Variants in SLC45A2 observed in about 807,000 individuals in gnomAD.
The protein encoded by SLC45A2 is membrane-associated transporter protein.
In SLC45A2, 36 loss-of-function variants were observed where a neutral mutation model predicts 45.5. The ratio of observed to expected loss-of-function variants is 0.79; its 90% CI spans 0.61 to 1.04. The LOEUF is 1.04. Ranked by LOEUF, SLC45A2 falls within the 50% of genes least tolerant of loss-of-function variation. The pLI, the probability that SLC45A2 is intolerant of heterozygous loss-of-function variation, is 0.00. For missense variants in SLC45A2, 719 were observed against 671.0 expected (o/e 1.07, Z -0.79); for synonymous variants, 306 against 269.3 (o/e 1.14, Z -1.33).
intron 2 of SLC45A2, 144 bp from the exon 3 acceptor site, chr5:33,964,160 G>T: frequency 1.2e-6 from 1 of 856,732 alleles, no homozygotes; most frequent in African/African-American, 1.7e-5. Context: ...TACAGCAAGA[G>T]GCTGAAAAAC....
chr5:33,975,713 T>C (rs941673209), intron 2 of SLC45A2, among the ~76,000 whole-genome samples: 1 of 152,206 alleles, frequency 6.6e-6, no homozygotes, highest in East Asian at 1.9e-4. Context: ...TTTAGGGAGA[T>C]ACATGACCAA....
chr5:33,962,447 G>T (rs915218524), intron 3 of SLC45A2, among the ~76,000 whole-genome samples: 1 of 152,196 alleles, frequency 6.6e-6, no homozygotes, highest in Non-Finnish European at 1.5e-5. Context: ...GCCAACAAAA[G>T]AAGTTGACCT....
At chr5:33,963,582 C>A (rs1276838451) in intron 3 of SLC45A2, 109 bp downstream of exon 3, 17 of 1,237,138 alleles carry the variant, frequency 1.4e-5, no homozygotes, top group Non-Finnish European at 2.0e-5. Flanking sequence ...CAGTTAGACC[C>A]CATGAAACTC....
In SLC45A2 at chr5:33,951,632, A is replaced by T. The variant is rs760972161; in HGVS notation, c.1078T>A (p.Phe360Ile). The change falls in exon 5 of 7, where the codon TTT becomes ATT. Residue 360 changes from phenylalanine (F) to isoleucine (I), a missense_variant. Coordinates refer to ENST00000296589, the MANE Select transcript of SLC45A2 (RefSeq NM_016180.5). ...DPYSAHNSTEFLIYERGVEVG... is the reference protein window; with the variant it reads ...DPYSAHNSTEILIYERGVEVG... ...TCGACTCCTCTTTCGTAGATGAGAA[A>T]CTCTGTGGAGTTGTGTGCACTATAG... 1.9e-6 allele frequency: 3 copies of T among 1,614,166 alleles called. No individual in the cohort carries two copies. The highest frequency in any genetic ancestry group is 2.5e-6 in the Non-Finnish European group (3 of 1,180,020).
rs970831318 is a variant in SLC45A2, at chr5:33,982,553, T to A, written c.386-141A>T. ...TTTCCAAATAAAAATAGCTTTACAT[T>A]TTTTTTCAGGTTTTAAAAATTATGC... On this transcript the variant is annotated intron_variant, in intron 1 of 6. Transcript: ENST00000296589. 4.8e-6 allele frequency: 4 copies of A among 840,728 alleles called. No homozygotes were observed. The Admixed American group carries it at 1.1e-4, about 22-fold the overall frequency. 52.1% of individuals were successfully genotyped at this position (840,728 alleles called of 1,614,324 possible).
intron 1 of SLC45A2, among the ~76,000 whole-genome samples, chr5:33,983,709 G>A (rs1044923650): frequency 1.3e-5 from 2 of 152,190 alleles, no homozygotes; most frequent in South Asian, 2.1e-4. Flanking sequence ...ATGCCAGAAA[G>A]GTCCTCTTGA....
At chr5:33,971,978 C>G (rs1579555035) in intron 2 of SLC45A2, 2 of 448,888 alleles carry the variant, frequency 4.5e-6, no homozygotes, top group Admixed American at 4.9e-5. Context: ...CCATGGTGCC[C>G]AGGTCCACCT....
At chr5:33,953,876 C>A (rs1183546726) in intron 4 of SLC45A2, among the ~76,000 whole-genome samples, 13 of 108,716 alleles carry the variant, frequency 1.2e-4, no homozygotes, top group Non-Finnish European at 2.1e-4. Flanking sequence ...TCTACCAAGC[C>A]AATGGAAAAC....
chr5:33,983,366 A>G (rs1369647822), intron 1 of SLC45A2, among the ~76,000 whole-genome samples: 2 of 152,214 alleles, frequency 1.3e-5, no homozygotes, highest in African/African-American at 4.8e-5. Context: ...AATGAACAAT[A>G]AGTCTACCCG....
intron 1 of SLC45A2, among the ~76,000 whole-genome samples, chr5:33,983,885 T>G (rs1254533529): frequency 6.6e-6 from 1 of 152,224 alleles, no homozygotes; most frequent in Non-Finnish European, 1.5e-5. Context: ...GCTCAAAAAG[T>G]AACTCAATTG....
At chr5:33,956,595 GTC>G (rs1453465946) in intron 3 of SLC45A2, among the ~76,000 whole-genome samples, 1 of 152,290 alleles carries the variant, frequency 6.6e-6, no homozygotes, top group Admixed American at 6.5e-5. Context: ...TCACCAGGAA[GTC>G]TTTGTCCACC....
At chr5:33,958,892 C>G (rs1296585084) in intron 3 of SLC45A2, among the ~76,000 whole-genome samples, 27 of 152,186 alleles carry the variant, frequency 1.8e-4, no homozygotes, top group Admixed American at 1.8e-3. Flanking sequence ...CTATGCGACT[C>G]TTGGAGGGGG....
chr5:33,972,218 G>T, intron 2 of SLC45A2: 1 of 525,312 alleles, frequency 1.9e-6, no homozygotes, highest in South Asian at 1.4e-5. Flanking sequence ...TACTTCAGCT[G>T]ACAGAGAGAT....
chr5:33,946,776 T>C lies in SLC45A2; in HGVS notation c.1368+387A>G, dbSNP rs886163590. On this transcript the variant is annotated intron_variant, in intron 6 of 6. Transcript: ENST00000296589. ...GATAGGGAGACCCTTATTGTCGGTA[T>C]CTAGAAATGCTGCAGGTGGCACCAG... The C allele has an allele frequency of 7.1e-5, 81 of 1,142,544 alleles. No homozygotes were observed. In the African/African-American group the frequency reaches 1.2e-3, roughly 17 times the overall value. The allele number at this position is 1,142,544 out of a possible 1,614,324, so 70.8% of individuals were successfully genotyped here. A position where few individuals can be genotyped will look rare whatever the true frequency, so the allele number is the denominator to read the frequency against.
chr5:33,976,959 C>CA (rs2067122), intron 2 of SLC45A2, among the ~76,000 whole-genome samples: 8 of 151,656 alleles, frequency 5.3e-5, no homozygotes, highest in African/African-American at 1.9e-4. Flanking sequence ...CCTGTACTCC[C>CA]GATTCCTGTG....
At position 33,960,300 on chromosome 5, in the gene SLC45A2, A is replaced by G. The variant is rs538166874; in HGVS notation, c.888+3391T>C. 4.2e-4 allele frequency among the ~76,000 whole-genome samples: 63 copies of G among 151,272 alleles called. 1 individual carries two copies. Among genetic ancestry groups the G allele is most frequent in the Middle Eastern group, 6.8e-3 (2 of 294 alleles). On this transcript the variant is annotated intron_variant, in intron 3 of 6. Transcript: ENST00000296589. ...TGACATATATATATATATATATATC[A>G]TAGTTTTTTTATTCACTTGTTGATT...
At chr5:33,954,332 G>T (rs1386415094) in intron 4 of SLC45A2, 29 bp downstream of exon 4, 1 of 1,613,816 alleles carries the variant, frequency 6.2e-7, no homozygotes, top group Non-Finnish European at 8.5e-7. Context: ...ATGTGTAACA[G>T]TGATTGTGTG....
chr5:33,947,224 C>T lies in SLC45A2; in HGVS notation c.1307G>A (p.Ser436Asn). The part of the protein sequence containing the change: ...VLCSLFGVMS[S>N]TLYTVPFNLI... ...GTTAAAGGGCACAGTGTACAGGGTG[C>T]TGGACATTACACCAAACAGGCTGCA... The change falls in exon 6 of 7, where the codon AGC becomes AAC. Residue 436 changes from serine to asparagine, a missense_variant. Coordinates refer to ENST00000296589, the MANE Select transcript of SLC45A2 (RefSeq NM_016180.5). 6.2e-7 allele frequency: 1 copy of T among 1,614,232 alleles called. No homozygotes were observed. The highest frequency in any genetic ancestry group is 8.5e-7 in the Non-Finnish European group (1 of 1,180,038).
At chr5:33,970,678 T>A (rs1284123724) in intron 2 of SLC45A2, among the ~76,000 whole-genome samples, 1 of 152,214 alleles carries the variant, frequency 6.6e-6, no homozygotes, top group Non-Finnish European at 1.5e-5. Context: ...TAATCATTAA[T>A]AAAATTAAGA....
Sources: gnomAD v4.1 joint callset for allele counts (sites outside exome capture counted in the v4.1 genomes callset) on GRCh38, gnomAD v4.1.1 for gene constraint, MANE v1.5 for transcripts, NCBI Gene and HGNC (gene_info 2026-07-23, HGNC 2026-07-21) for gene names.